ZNF704: variants seen among roughly 807,000 people sequenced by gnomAD.
The protein encoded by ZNF704 is glucocorticoid induced gene 1.
Under a neutral mutation model 44.7 loss-of-function variants are expected in ZNF704, and 10 were observed. The observed-to-expected ratio is 0.22, with a 90% confidence interval of 0.14 to 0.38. The LOEUF is 0.38. ZNF704 is among the 10% of genes least tolerant of loss of function. The pLI is 1.00. For missense variants in ZNF704, 390 were observed against 545.5 expected (o/e 0.71, Z 2.84); for synonymous variants, 211 against 207.6 (o/e 1.02, Z -0.14).
At chr8:80,773,341 TCA>T (rs561753795) in intron 2 of ZNF704, among the ~76,000 whole-genome samples, 131 of 152,336 alleles carry the variant, frequency 8.6e-4, no homozygotes, top group African/African-American at 3.0e-3. Context: ...ACATAACTTG[TCA>T]CAGTCTACTG....
intron 7 of ZNF704, among the ~76,000 whole-genome samples, chr8:80,652,391 A>T (rs543200654): frequency 1.3e-5 from 2 of 152,304 alleles, no homozygotes; most frequent in Non-Finnish European, 2.9e-5. Context: ...TGTTTTTTTT[A>T]AAAGATCAAC....
chr8:80,804,006 A>G (rs1468386789), intron 2 of ZNF704, among the ~76,000 whole-genome samples: 1 of 152,200 alleles, frequency 6.6e-6, no homozygotes, highest in Non-Finnish European at 1.5e-5. Flanking sequence ...AATCCATTAA[A>G]AAGTGGGGAA....
intron 2 of ZNF704, among the ~76,000 whole-genome samples, chr8:80,816,155 C>G (rs1234386912): frequency 2.0e-5 from 3 of 152,194 alleles, no homozygotes; most frequent in Non-Finnish European, 2.9e-5. Context: ...AATTTCTTTC[C>G]TGTACTAATG....
At position 80,640,556 on chromosome 8, in the gene ZNF704, G is replaced by A. The variant is rs1428013756; in HGVS notation, c.*810C>T. ...TGGCTACAGGTGCCAATTCTTGACT[G>A]AGTTGTGGCAGGTAGAGAGTAGAGT... On this transcript the variant is annotated 3_prime_UTR_variant, in exon 9 of 9. Transcript: ENST00000327835. 3 of 152,214 alleles carry A rather than the reference G, an allele frequency of 2.0e-5. No individual in the cohort carries two copies. Among genetic ancestry groups the A allele is most frequent in the African/African-American group, 7.2e-5 (3 of 41,442 alleles). The allele number at this position is 152,214 out of a possible 1,614,324, so 9.4% of individuals were successfully genotyped here.
At chr8:80,845,554 T>C (rs1808754923) in intron 1 of ZNF704, among the ~76,000 whole-genome samples, 1 of 152,204 alleles carries the variant, frequency 6.6e-6, no homozygotes. Context: ...TTGGAAGGTC[T>C]TTCAGCAATG....
At chr8:80,717,495 T>C (rs959165050) in intron 2 of ZNF704, among the ~76,000 whole-genome samples, 2 of 152,250 alleles carry the variant, frequency 1.3e-5, no homozygotes, top group African/African-American at 4.8e-5. Flanking sequence ...GAAATAGTAA[T>C]ACCTGCTTCC....
intron 2 of ZNF704, among the ~76,000 whole-genome samples, chr8:80,726,708 T>A (rs1806486549): frequency 1.3e-5 from 2 of 152,098 alleles, no homozygotes; most frequent in African/African-American, 2.4e-5. Flanking sequence ...AGTGTATGTT[T>A]AAAAATTTCC....
chr8:80,674,257 G>A (rs1818326352), intron 4 of ZNF704, among the ~76,000 whole-genome samples: 1 of 152,090 alleles, frequency 6.6e-6, no homozygotes, highest in Non-Finnish European at 1.5e-5. Flanking sequence ...AACCTGCTAG[G>A]TTCACAAAAA....
intron 2 of ZNF704, among the ~76,000 whole-genome samples, chr8:80,710,779 A>G (rs1818973618): frequency 6.6e-6 from 1 of 152,234 alleles, no homozygotes; most frequent in African/African-American, 2.4e-5. Context: ...ACTGTGAGAA[A>G]TAAATGTTGT....
chr8:80,665,569 G>A (rs144796981), intron 5 of ZNF704, among the ~76,000 whole-genome samples: 2,233 of 152,094 alleles, frequency 0.015, 38 homozygotes, highest in African/African-American at 0.042. Context: ...TGACTTAAGG[G>A]GTACCACGTT....
upstream of ZNF704, among the ~76,000 whole-genome samples, chr8:80,878,375 A>G (rs913988242): frequency 1.3e-5 from 2 of 152,218 alleles, no homozygotes; most frequent in Non-Finnish European, 2.9e-5. Context: ...TCAGCAAAAT[A>G]ATCATGTTTC....
chr8:80,756,802 GTGCTAGTTAAC>G (rs1412099776), intron 2 of ZNF704, among the ~76,000 whole-genome samples: 7 of 152,306 alleles, frequency 4.6e-5, no homozygotes, highest in African/African-American at 1.7e-4. Flanking sequence ...AACCTTCTGA[GTGCTAGTTAAC>G]TGCAGAAAAA....
chr8:80,844,307 G>A (rs985289642), intron 1 of ZNF704, among the ~76,000 whole-genome samples: 1 of 152,170 alleles, frequency 6.6e-6, no homozygotes, highest in Non-Finnish European at 1.5e-5. Flanking sequence ...GGCACCAGCA[G>A]ATTGGGTGTC....
intron 2 of ZNF704, among the ~76,000 whole-genome samples, chr8:80,793,717 T>C (rs1807751861): frequency 6.6e-6 from 1 of 152,054 alleles, no homozygotes; most frequent in East Asian, 1.9e-4. Flanking sequence ...ATAAAAACAA[T>C]TAATTGCATA....
intron 2 of ZNF704, among the ~76,000 whole-genome samples, chr8:80,726,578 T>G (rs1249114915): frequency 6.6e-6 from 1 of 152,072 alleles, no homozygotes; most frequent in Non-Finnish European, 1.5e-5. Context: ...GATTTGCTCT[T>G]AAAATACTCC....
intron 4 of ZNF704, among the ~76,000 whole-genome samples, chr8:80,680,778 T>C (rs535215753): frequency 6.6e-6 from 1 of 152,308 alleles, no homozygotes; most frequent in East Asian, 1.9e-4. Context: ...ATTTGTAAGA[T>C]GAGGGGACTG....
intron 4 of ZNF704, among the ~76,000 whole-genome samples, chr8:80,681,877 T>C (rs1056608611): frequency 1.3e-5 from 2 of 152,212 alleles, no homozygotes; most frequent in Non-Finnish European, 2.9e-5. Flanking sequence ...ATATACTGCA[T>C]GGCAGGTTAT....
intron 2 of ZNF704, among the ~76,000 whole-genome samples, chr8:80,769,051 A>G (rs1807275500): frequency 1.3e-5 from 2 of 152,136 alleles, no homozygotes; most frequent in African/African-American, 4.8e-5. Context: ...TGGACCAACA[A>G]AAATACTGGT....
intron 2 of ZNF704, among the ~76,000 whole-genome samples, chr8:80,698,091 C>G (rs1273572292): frequency 6.6e-6 from 1 of 152,158 alleles, no homozygotes; most frequent in Non-Finnish European, 1.5e-5. Flanking sequence ...AGAGTTTATG[C>G]TTTCAATACT....
Sources: gnomAD v4.1 joint callset for allele counts (sites outside exome capture counted in the v4.1 genomes callset) on GRCh38, gnomAD v4.1.1 for gene constraint, MANE v1.5 for transcripts, NCBI Gene and HGNC (gene_info 2026-07-23, HGNC 2026-07-21) for gene names.